The following DNAH10 variants were observed in gnomAD, a reference collection of about 807,000 sequenced individuals.
DNAH10 encodes dynein axonemal heavy chain 10.
Under a neutral mutation model 506.6 loss-of-function variants are expected in DNAH10, and 348 were observed. The ratio of observed to expected loss-of-function variants is 0.69; its 90% CI spans 0.63 to 0.75. The LOEUF (loss-of-function observed/expected upper bound fraction) is 0.75, where lower values mean the gene tolerates loss of function less well. Among genes scored for constraint, DNAH10 ranks in the 30% least tolerant of loss-of-function variants. DNAH10 has a pLI of 0.00. For missense variants in DNAH10, 5,179 were observed against 5,787.1 expected (o/e 0.89, Z 3.41); for synonymous variants, 2,059 against 2,198.6 (o/e 0.94, Z 1.78).
At position 123,894,704 on chromosome 12, in the gene DNAH10, G is replaced by A. The variant is rs368062654; in HGVS notation, c.9261G>A (p.Ala3087=). 468 of 1,613,792 alleles carry A rather than the reference G, an allele frequency of 2.9e-4. 1 individual carries two copies. The highest frequency in any genetic ancestry group is 3.4e-4 in the Non-Finnish European group (403 of 1,179,858). ...FMPWPPQALH[A]VAKSFLGYNP... is the part of the protein sequence containing the mutation. ...CCTGGCCTCCCCAAGCCCTCCATGC[G>A]GTCGCAAAGTCCTTTCTAGGTAAGT... Residue 3087 remains alanine (A), a synonymous_variant, in exon 54 of 79, where the codon GCG becomes GCA. Transcript: ENST00000673944.
intron 1 of DNAH10, among the ~76,000 whole-genome samples, chr12:123,766,140 TCTAC>T (rs566390578): frequency 2.0e-5 from 3 of 152,210 alleles, no homozygotes; most frequent in African/African-American, 4.8e-5. Context: ...CTATCTCCTG[TCTAC>T]CTACCTACCT....
intron 15 of DNAH10, 52 bp downstream of exon 15, chr12:123,800,440 C>A: frequency 6.6e-7 from 1 of 1,519,860 alleles, no homozygotes; most frequent in South Asian, 1.2e-5. Context: ...TCTTGGGACC[C>A]CTTTACGCTC....
rs1955074395 is a variant in DNAH10, at chr12:123,928,974, C to G, written c.12307-301C>G. On this transcript the variant is annotated intron_variant, in intron 70 of 78. Coordinates refer to ENST00000673944, the MANE Select transcript of DNAH10 (RefSeq NM_001372106.1). The surrounding 1 kb of genome is among the most constrained non-coding windows in gnomAD (Gnocchi z 4.9). ...ATTCTTTTGGAAAGGTTTTGTCATT[C>G]TCTGTCTCTCTCTCTCTCTCTGGGG... The G allele has an allele frequency of 4.1e-6, 2 of 485,456 alleles. No individual in the cohort carries two copies. The highest frequency in any genetic ancestry group is 6.0e-5 in the South Asian group (2 of 33,096). The allele number at this position is 485,456 out of a possible 1,614,324, so 30.1% of individuals were successfully genotyped here.
rs1437698160 is a variant in DNAH10, at chr12:123,914,951, G to A, written c.10674G>A (p.Gln3558=). The A allele has an allele frequency of 6.2e-7, 1 of 1,611,976 alleles. No homozygotes were observed. The highest frequency in any genetic ancestry group is 2.2e-5 in the East Asian group (1 of 44,824). ...SRFPLCIDPQ[Q]QALNWIKRKE... is the part of the protein sequence containing the mutation. ...TCCCTCTGTGTATCGACCCCCAGCA[G>A]CAGGCCCTCAACTGGATCAAGAGAA... is the stretch of plus-strand genomic sequence containing the variant. The change falls in exon 62 of 79, where the codon CAG becomes CAA. Residue 3558 remains glutamine (Q), a synonymous_variant. Coordinates refer to ENST00000673944, the MANE Select transcript of DNAH10 (RefSeq NM_001372106.1).
In DNAH10 at chr12:123,903,574, AG is replaced by A. The variant is rs1434046004; in HGVS notation, c.9815+463del. On this transcript the variant is annotated intron_variant, in intron 57 of 78. Transcript: ENST00000673944. This position sits in a 1 kb window ranked among gnomAD's most constrained non-coding sequence, Gnocchi z 4.6. ...GGAAGCTTTCAAGGAGGGTGAGAGT[AG>A]GTCACTATTGAGGCCCCCATACATC... 6.6e-6 allele frequency among the ~76,000 whole-genome samples: 1 copy of A among 152,212 alleles called. No homozygotes were observed. Among genetic ancestry groups the A allele is most frequent in the Non-Finnish European group, 1.5e-5 (1 of 68,042 alleles).
At chr12:123,856,180 TG>T (rs1427283020) in intron 36 of DNAH10, among the ~76,000 whole-genome samples, 1 of 147,298 alleles carries the variant, frequency 6.8e-6, no homozygotes, top group Non-Finnish European at 1.5e-5. Context: ...TTTATATGAA[TG>T]ATATAAAATA....
intron 51 of DNAH10, among the ~76,000 whole-genome samples, chr12:123,885,280 GT>G (rs1230567868): frequency 6.6e-6 from 1 of 152,186 alleles, no homozygotes; most frequent in African/African-American, 2.4e-5. Context: ...TCCCCACTGT[GT>G]CACTGCGTCT....
chr12:123,866,457 A>G (rs944533267), intron 41 of DNAH10, among the ~76,000 whole-genome samples: 1 of 151,548 alleles, frequency 6.6e-6, no homozygotes, highest in Non-Finnish European at 1.5e-5. Context: ...GTTAGCCAGG[A>G]TGGTCTCGAT....
rs947672276 is a variant in DNAH10 at position 123,846,513 on chromosome 12, G to A, written c.5814+359G>A. On this transcript the variant is annotated intron_variant, in intron 32 of 78. Transcript: ENST00000673944. The surrounding 1 kb of genome is among the most constrained non-coding windows in gnomAD (Gnocchi z 4.5). ...CCAGAATATATCCGTTCAAGTGAAC[G>A]GCCTTGGATGATAGAGATAGTGTCT... is the stretch of plus-strand genomic sequence containing the variant. 6.6e-6 allele frequency among the ~76,000 whole-genome samples: 1 copy of A among 152,154 alleles called. No individual in the cohort carries two copies. The highest frequency in any genetic ancestry group is 1.5e-5 in the Non-Finnish European group (1 of 68,042).
In DNAH10 at chr12:123,923,822, G is replaced by A. The variant is rs774211643; in HGVS notation, c.11566G>A (p.Ala3856Thr). Reference sequence around the variant, plus strand: ...TAATATGACCATCAAGATAGAACAAGCAGAAGGGAGAGTCCCTCAAGAAGA... The same window carrying A: ...TAATATGACCATCAAGATAGAACAAACAGAAGGGAGAGTCCCTCAAGAAGA... ...SFNMTIKIEQ[A>T]EGRVPQEELD... Residue 3856 changes from alanine to threonine, a missense_variant, in exon 66 of 79, where the codon GCA (alanine) becomes ACA (threonine). Coordinates refer to ENST00000673944, the MANE Select transcript of DNAH10 (RefSeq NM_001372106.1). 1.2e-6 allele frequency: 2 copies of A among 1,612,200 alleles called. No homozygotes were observed. Among genetic ancestry groups the A allele is most frequent in the Non-Finnish European group, 1.7e-6 (2 of 1,179,518 alleles).
chr12:123,779,149 C>T (rs1429168563), intron 5 of DNAH10, among the ~76,000 whole-genome samples: 1 of 152,094 alleles, frequency 6.6e-6, no homozygotes, highest in Non-Finnish European at 1.5e-5. Context: ...GCGATTCACC[C>T]GCCTCGGCTT....
intron 54 of DNAH10, 110 bp downstream of exon 54, chr12:123,894,833 A>G: frequency 1.1e-6 from 1 of 906,210 alleles, no homozygotes. Context: ...GGAAAACCCT[A>G]TGGTAACAAA....
chr12:123,845,768 C>T lies in DNAH10; in HGVS notation c.5529C>T (p.Arg1843=). 3.7e-6 allele frequency: 6 copies of T among 1,613,924 alleles called. No individual in the cohort carries two copies. Among genetic ancestry groups the T allele is most frequent in the Non-Finnish European group, 5.1e-6 (6 of 1,179,864 alleles). Residue 1843 remains arginine (R), a synonymous_variant, in exon 31 of 79, where the codon CGC becomes CGT. Coordinates refer to ENST00000673944, the MANE Select transcript of DNAH10 (RefSeq NM_001372106.1). ...GGCAGATCGATGAGTTGGTAACGCG[C>T]ATCACCATGCCGCTAAGCAAAAACG... ...MHRQIDELVT[R]ITMPLSKNDR...
rs144374663 is a variant in DNAH10, at chr12:123,821,589, T to C, written c.4179+831T>C. 9.7e-3 allele frequency among the ~76,000 whole-genome samples: 1,472 copies of C among 152,110 alleles called. 35 individuals are homozygous for C. The highest frequency in any genetic ancestry group is 0.033 in the African/African-American group (1,388 of 41,494). ...CTCAAGCGATCCTCCTGCCTTGACC[T>C]CCCAAAGTGCTGGGATTACAGGCAT... On this transcript the variant is annotated intron_variant, in intron 24 of 78. Coordinates refer to ENST00000673944, the MANE Select transcript of DNAH10 (RefSeq NM_001372106.1).
At position 123,801,334 on chromosome 12, in the gene DNAH10, C is replaced by T. The variant is rs746196756; in HGVS notation, c.2516C>T (p.Thr839Met). 22 of 1,614,036 alleles carry T rather than the reference C, an allele frequency of 1.4e-5. No individual in the cohort carries two copies. Among genetic ancestry groups the T allele is most frequent in the African/African-American group, 1.1e-4 (8 of 74,918 alleles). ...MLDHYHMLIGTLNDAESVLLK... is the reference protein window; with the variant it reads ...MLDHYHMLIGMLNDAESVLLK... ...GATCATTATCACATGCTCATAGGAA[C>T]GTTAAACGATGCGGAGTCTGTGCTT... The change falls in exon 16 of 79, where the codon ACG becomes ATG. Residue 839 changes from threonine to methionine, a missense_variant. Thr to Met is a moderately conservative substitution (Grantham distance 81). This residue lies in a region of DNAH10 where 4,844 missense variants were observed against 5,430.5 expected (regional missense o/e 0.89). Coordinates refer to ENST00000673944, the MANE Select transcript of DNAH10 (RefSeq NM_001372106.1).
chr12:123,877,381 G>T (rs1247022124), intron 47 of DNAH10, among the ~76,000 whole-genome samples: 1 of 152,054 alleles, frequency 6.6e-6, no homozygotes, highest in East Asian at 1.9e-4. Flanking sequence ...GCGTGATCTC[G>T]GTTCACTGCA....
chr12:123,887,434 C>A, intron 52 of DNAH10, 121 bp downstream of exon 52: 1 of 1,196,264 alleles, frequency 8.4e-7, no homozygotes, highest in Non-Finnish European at 1.1e-6. Flanking sequence ...TGTACCTGTT[C>A]CTCCCTCACG....
At position 123,917,246 on chromosome 12, in the gene DNAH10, A is replaced by G. The variant is rs940755821; in HGVS notation, c.11003-338A>G. Among the ~76,000 whole-genome samples the G allele has an allele frequency of 3.9e-5, 6 of 152,088 alleles. No homozygotes were observed. The highest frequency in any genetic ancestry group is 5.9e-5 in the Non-Finnish European group (4 of 68,028). On this transcript the variant is annotated intron_variant, in intron 63 of 78. Transcript: ENST00000673944. The surrounding 1 kb of genome is among the most constrained non-coding windows in gnomAD (Gnocchi z 5.6). Reference sequence around the variant, plus strand: ...GGGCTCAAACTTCTGGGCTCAAGTGATCCTCCTGCCTCTGCCTCCCAAAGT... The same window carrying G: ...GGGCTCAAACTTCTGGGCTCAAGTGGTCCTCCTGCCTCTGCCTCCCAAAGT...
intron 26 of DNAH10, 96 bp downstream of exon 26, chr12:123,830,795 AT>A (rs376586194): frequency 0.1 from 96,866 of 946,792 alleles, 181 homozygotes; most frequent in Middle Eastern, 0.12. Flanking sequence ...AAAAAAAAAA[AT>A]TAGCTGAGCG....
Sources: allele counts gnomAD v4.1 joint callset (sites outside exome capture counted in the v4.1 genomes callset), GRCh38; gene constraint gnomAD v4.1.1; regional missense constraint gnomAD v4.1.1; non-coding constraint Gnocchi (gnomAD v3.1); transcripts MANE v1.5; gene names NCBI Gene and HGNC (gene_info 2026-07-23, HGNC 2026-07-21).